The following ELFN2 variants were observed in gnomAD, a reference collection of about 807,000 sequenced individuals.
ELFN2 encodes extracellular leucine rich repeat and fibronectin type III domain containing 2.
A neutral mutation model predicts 45.5 loss-of-function variants in ELFN2; 17 were observed. The ratio of observed to expected loss-of-function variants is 0.37; its 90% CI spans 0.26 to 0.56. The LOEUF is 0.56. Among genes scored for constraint, ELFN2 ranks in the 20% least tolerant of loss-of-function variants. ELFN2 has a pLI of 0.77. For synonymous variants in ELFN2, 550 were observed against 551.5 expected, an observed-to-expected ratio of 1.00 and a Z score of 0.04; for missense variants, 922 against 1,183.2, an observed-to-expected ratio of 0.78 and a Z score of 3.24.
chr22:37,348,830 A>T (rs1247238781), intron 1 of ELFN2, among the ~76,000 whole-genome samples: 1 of 150,614 alleles, frequency 6.6e-6, no homozygotes, highest in Non-Finnish European at 1.5e-5. Flanking sequence ...GCAGCAGAGC[A>T]TGAGGGGTCG....
chr22:37,401,075 G>A (rs1436253566), intron 2 of ELFN2, among the ~76,000 whole-genome samples: 1 of 152,232 alleles, frequency 6.6e-6, no homozygotes, highest in African/African-American at 2.4e-5. Flanking sequence ...GTCAAACAGG[G>A]TACCAGGAAT....
chr22:37,400,659 G>A (rs1298853304), intron 2 of ELFN2, among the ~76,000 whole-genome samples: 1 of 152,204 alleles, frequency 6.6e-6, no homozygotes, highest in East Asian at 1.9e-4. Flanking sequence ...AGCAGCCCCT[G>A]AGCCCCTGGA....
chr22:37,344,372 C>G (rs537219776), intron 1 of ELFN2, among the ~76,000 whole-genome samples: 173 of 151,976 alleles, frequency 1.1e-3, no homozygotes, highest in African/African-American at 4.0e-3. Flanking sequence ...AATCTACATG[C>G]GCACATACAC....
rs1932862913 is a variant in ELFN2 at position 37,427,463 on chromosome 22, C to A, written c.-779G>T. The A allele has an allele frequency of 6.6e-6, 1 of 152,276 alleles. No homozygotes were observed. The highest frequency in any genetic ancestry group is 1.5e-5 in the Non-Finnish European group (1 of 68,126). 9.4% of individuals were successfully genotyped at this position (152,276 alleles called of 1,614,324 possible). A position where few individuals can be genotyped will look rare whatever the true frequency, so the allele number is the denominator to read the frequency against. On this transcript the variant is annotated 5_prime_UTR_variant, in exon 1 of 3. Coordinates refer to ENST00000402918, the MANE Select transcript of ELFN2 (RefSeq NM_052906.5). ...GTGTCTGTGTGTGTGTCTGGGAGCG[C>A]GCGTGTGCGCGCAGACGCCGCCGCC... is the stretch of plus-strand genomic sequence containing the variant.
At chr22:37,364,554 T>C (rs926120284), downstream of ELFN2, among the ~76,000 whole-genome samples, 1 of 151,936 alleles carries the variant, frequency 6.6e-6, no homozygotes, top group African/African-American at 2.4e-5. Context: ...CCAACTCCCA[T>C]GGAGGCAGGA....
chr22:37,422,793 C>T (rs1049839122), intron 1 of ELFN2, among the ~76,000 whole-genome samples: 1 of 151,912 alleles, frequency 6.6e-6, no homozygotes, highest in Non-Finnish European at 1.5e-5. Flanking sequence ...CAGGGTTTCA[C>T]CATGTTGGCC....
intron 2 of ELFN2, among the ~76,000 whole-genome samples, chr22:37,398,690 T>C (rs911745839): frequency 6.6e-6 from 1 of 152,146 alleles, no homozygotes; most frequent in Non-Finnish European, 1.5e-5. Flanking sequence ...GTCTCTGCAA[T>C]GTGCCCTCCA....
At chr22:37,403,555 A>G (rs1932418522) in intron 2 of ELFN2, among the ~76,000 whole-genome samples, 1 of 152,190 alleles carries the variant, frequency 6.6e-6, no homozygotes, top group South Asian at 2.1e-4. Flanking sequence ...TTTGTTTTGA[A>G]GCAAAGGGAG....
chr22:37,345,888 G>A (rs1930684741), intron 1 of ELFN2, among the ~76,000 whole-genome samples: 1 of 152,130 alleles, frequency 6.6e-6, no homozygotes, highest in African/African-American at 2.4e-5. Flanking sequence ...TGTTTTCTTT[G>A]TCCCATTGTT....
chr22:37,341,707 G>A lies in ELFN2; in HGVS notation n.252-738C>T, dbSNP rs111474407. On this transcript the variant is annotated intron_variant and non_coding_transcript_variant, in intron 2 of 2. Coordinates refer to ENST00000452946, the Ensembl canonical transcript of ELFN2. ...CTCAAAGCCTGACTCCCATCCCTTC[G>A]TTAAGCACCTGCCATGTACCAAGCA... Among the ~76,000 whole-genome samples, 731 of 152,278 alleles carry A rather than the reference G, an allele frequency of 4.8e-3. 6 individuals carry two copies. Among genetic ancestry groups the A allele is most frequent in the African/African-American group, 0.016 (685 of 41,544 alleles).
intron 2 of ELFN2, among the ~76,000 whole-genome samples, chr22:37,382,383 T>C (rs1217924489): frequency 2.6e-5 from 4 of 152,166 alleles, no homozygotes; most frequent in African/African-American, 2.4e-5. Flanking sequence ...TAGCTGGGAC[T>C]ACAGGTGCAT....
rs1313810731 is a variant in ELFN2 at position 37,371,549 on chromosome 22, G to C, written c.*1523C>G. The C allele has an allele frequency of 6.6e-6, 1 of 152,354 alleles. No homozygotes were observed. Among genetic ancestry groups the C allele is most frequent in the Non-Finnish European group, 1.5e-5 (1 of 68,116 alleles). The allele number at this position is 152,354 out of a possible 1,614,324, so 9.4% of individuals were successfully genotyped here. On this transcript the variant is annotated 3_prime_UTR_variant, in exon 3 of 3. Coordinates refer to ENST00000402918, the MANE Select transcript of ELFN2 (RefSeq NM_052906.5). The surrounding 1 kb of genome is among the most constrained non-coding windows in gnomAD (Gnocchi z 6.4). The stretch of plus-strand genomic sequence containing the variant: ...CTGACTGGTCAAGACCCCAGTCTCA[G>C]GACCGCAGATTTGCCTCCCAAAAGA...
intron 2 of ELFN2, among the ~76,000 whole-genome samples, chr22:37,380,476 A>T (rs1931724780): frequency 6.6e-6 from 1 of 152,136 alleles, no homozygotes. Flanking sequence ...TTGTGTGGCC[A>T]CACTCTTGCA....
intron 1 of ELFN2, among the ~76,000 whole-genome samples, chr22:37,345,987 C>A (rs1601730081): frequency 6.6e-6 from 1 of 152,218 alleles, no homozygotes; most frequent in African/African-American, 2.4e-5. Context: ...ACTTCCCATC[C>A]ACCCTCGCCT....
chr22:37,375,353 C>G lies in ELFN2; in HGVS notation c.182G>C (p.Arg61Pro). 2 of 1,613,914 alleles carry G rather than the reference C, an allele frequency of 1.2e-6. No homozygotes were observed. Among genetic ancestry groups the G allele is most frequent in the Non-Finnish European group, 1.7e-6 (2 of 1,179,998 alleles). The change falls in exon 3 of 3, where the codon CGG becomes CCG. Residue 61 changes from arginine (R) to proline (P), a missense_variant. By Grantham distance (103) the Arg-to-Pro change is moderately radical. Transcript: ENST00000402918. ...GGCTTTGAGCTTGTTCTCGTTGAGC[C>G]GCAGGTCGTGCACGGTGCTATTGAT... ...QHINSTVHDL[R>P]LNENKLKAVL...
At chr22:37,395,453 C>T (rs1304831606) in intron 2 of ELFN2, among the ~76,000 whole-genome samples, 1 of 152,200 alleles carries the variant, frequency 6.6e-6, no homozygotes, top group Admixed American at 6.5e-5. Flanking sequence ...AGCAGTGAAG[C>T]CACTTCCCAA....
chr22:37,359,002 C>T lies in ELFN2; in HGVS notation n.149-16299G>A, dbSNP rs547585528. ...GGGCCGCTGGGCTATCTGAGATGGA[C>T]GTGGGGCTGGAAGTCACCAACATAT... On this transcript the variant is annotated intron_variant and non_coding_transcript_variant, in intron 1 of 2. Coordinates refer to ENST00000452946, the Ensembl canonical transcript of ELFN2. Among the ~76,000 whole-genome samples the T allele has an allele frequency of 1.5e-3, 224 of 152,046 alleles. 1 individual carries two copies. The highest frequency in any genetic ancestry group is 5.2e-3 in the African/African-American group (217 of 41,440).
intron 1 of ELFN2, among the ~76,000 whole-genome samples, chr22:37,362,482 A>G (rs1931113429): frequency 6.6e-6 from 1 of 152,212 alleles, no homozygotes; most frequent in Admixed American, 6.5e-5. Flanking sequence ...CACGAGATGC[A>G]GGGGTTGACA....
chr22:37,412,698 C>T (rs890151238), intron 2 of ELFN2, among the ~76,000 whole-genome samples: 13 of 152,210 alleles, frequency 8.5e-5, no homozygotes, highest in African/African-American at 3.1e-4. Flanking sequence ...AGCAAGGCAC[C>T]GGGACAACCA....
Sources: gnomAD v4.1 joint callset for allele counts (sites outside exome capture counted in the v4.1 genomes callset) on GRCh38, gnomAD v4.1.1 for gene constraint, Gnocchi (gnomAD v3.1) non-coding constraint, MANE v1.5 for transcripts, NCBI Gene and HGNC (gene_info 2026-07-23, HGNC 2026-07-21) for gene names.